Variants in CDH24 observed in about 807,000 individuals in gnomAD.
CDH24 encodes the protein cadherin 24, also known as cadherin-24.
CDH24 carries 61 observed loss-of-function variants against 71.2 expected under a neutral mutation model. The observed-to-expected ratio is 0.86, with a 90% CI of 0.70 to 1.06. CDH24 has a LOEUF of 1.06. CDH24 is among the 50% of genes least tolerant of loss of function. The pLI, the probability that CDH24 is intolerant of heterozygous loss-of-function variation, is 0.00. For synonymous variants in CDH24, 440 were observed against 470.2 expected (o/e 0.94, Z 0.83); for missense variants, 961 against 1,083.7 (o/e 0.89, Z 1.59).
In CDH24 at chr14:23,051,924, A is replaced by G. The variant is rs1490002907; in HGVS notation, c.1363+549T>C. ...GCCTGACTGATGGGGGAGACCGCAT[A>G]TGGAGCTGGCACTCCTCCCCTTCCT... On this transcript the variant is annotated intron_variant, in intron 8 of 12. Coordinates refer to ENST00000487137, the MANE Select transcript of CDH24 (RefSeq NM_144985.4). The surrounding 1 kb of genome is among the most constrained non-coding windows in gnomAD (Gnocchi z 4.4). 7.1e-6 allele frequency: 8 copies of G among 1,130,080 alleles called. No homozygotes were observed. The highest frequency in any genetic ancestry group is 2.0e-4 in the Middle Eastern group (1 of 5,008). The allele number at this position is 1,130,080 out of a possible 1,614,324, so 70.0% of individuals were successfully genotyped here.
Position 23,049,463 on chromosome 14 carries a change from A to G in CDH24, c.1597+164T>C, listed in dbSNP as rs1386111917. Among the ~76,000 whole-genome samples the G allele has an allele frequency of 2.6e-5, 4 of 152,156 alleles. No homozygotes were observed. In the East Asian group the frequency reaches 7.8e-4, roughly 29 times the overall value. ...CCCATAGAGCCAGCTTCCCATGGGG[A>G]AGGTTTACAAAGAGCCAACGAATGA... On this transcript the variant is annotated intron_variant, in intron 10 of 12. Coordinates refer to ENST00000487137, the MANE Select transcript of CDH24 (RefSeq NM_144985.4).
rs746363463 is a variant in CDH24, at chr14:23,055,080, C to G, written c.475G>C (p.Val159Leu). The G allele has an allele frequency of 6.2e-7, 1 of 1,611,840 alleles. No homozygotes were observed. The highest frequency in any genetic ancestry group is 8.5e-7 in the Non-Finnish European group (1 of 1,178,306). Reference sequence around the variant, plus strand: ...TCACCGACATTGGACATCTCGGGCACGGTGGCATGGTAGGGCCCAAGGGGA... The same window carrying G: ...TCACCGACATTGGACATCTCGGGCAGGGTGGCATGGTAGGGCCCAAGGGGA... ...IFPLGPYHAT[V>L]PEMSNVGTSV... Residue 159 changes from valine to leucine, a missense_variant, in exon 3 of 13, where the codon GTG becomes CTG. Val to Leu is a conservative substitution (Grantham distance 32). Coordinates refer to ENST00000487137, the MANE Select transcript of CDH24 (RefSeq NM_144985.4). This position sits in a 1 kb window ranked among gnomAD's most constrained non-coding sequence, Gnocchi z 4.1.
chr14:23,049,793 G>A (rs368568578), intron 9 of CDH24, 29 bp downstream of exon 9: 33 of 1,613,168 alleles, frequency 2.0e-5, no homozygotes, highest in African/African-American at 5.3e-5. Flanking sequence ...AGGCCTGGAC[G>A]TCCCAACCCC....
chr14:23,055,316 T>G lies in CDH24; in HGVS notation c.239A>C (p.Lys80Thr), dbSNP rs766757758. Residue 80 changes from lysine (K) to threonine (T), a missense_variant, in exon 3 of 13, where the codon AAG becomes ACG. Around this residue, in one of 2 missense-constraint regions of CDH24, gnomAD observed 671 missense variants for 810.9 expected, o/e 0.83. Transcript: ENST00000487137. The surrounding 1 kb of genome is among the most constrained non-coding windows in gnomAD (Gnocchi z 4.1). ...SDVDRGEGRT[K>T]YLLTGEGAGT... ...TGCCCCCTCCCCGGTCAACAGGTAC[T>G]TGGTGCGGCCCTCTCCCCGGTCAAC... 5 of 1,610,832 alleles carry G rather than the reference T, an allele frequency of 3.1e-6. No individual in the cohort carries two copies. Among genetic ancestry groups the G allele is most frequent in the Non-Finnish European group, 2.5e-6 (3 of 1,177,258 alleles).
Position 23,054,519 on chromosome 14 carries a change from G to T in CDH24, c.771C>A (p.Pro257=), listed in dbSNP as rs755869545. 6.2e-7 allele frequency: 1 copy of T among 1,612,642 alleles called. No individual in the cohort carries two copies. The highest frequency in any genetic ancestry group is 8.5e-7 in the Non-Finnish European group (1 of 1,179,232). ...ATGGCCCCTTACTCTGTGGGAACTT[G>T]GGGGGGTTGTCGTTGACATCGCTGA... is the stretch of plus-strand genomic sequence containing the variant. ...VTLSDVNDNP[P]KFPQSLYQFS... The change falls in exon 5 of 13, where the codon CCC becomes CCA. Residue 257 remains proline, a synonymous_variant. Coordinates refer to ENST00000487137, the MANE Select transcript of CDH24 (RefSeq NM_144985.4). This position sits in a 1 kb window ranked among gnomAD's most constrained non-coding sequence, Gnocchi z 5.2.
At position 23,055,575 on chromosome 14, in the gene CDH24, G is replaced by C; in HGVS notation, c.159C>G (p.Val53=). ...RRSWVWNQFF[V]IEEYAGPEPV... The stretch of plus-strand genomic sequence containing the variant: ...GCTCTGGACCAGCATATTCCTCAAT[G>C]ACAAAGAACTGGTTCCAGACCCAGC... The change falls in exon 2 of 13, where the codon GTC becomes GTG. Residue 53 remains valine, a synonymous_variant. Transcript: ENST00000487137. The surrounding 1 kb of genome is among the most constrained non-coding windows in gnomAD (Gnocchi z 4.1). 1 of 1,614,090 alleles carries C rather than the reference G, an allele frequency of 6.2e-7. No homozygotes were observed. The highest frequency in any genetic ancestry group is 1.7e-5 in the Admixed American group (1 of 60,034).
chr14:23,048,932 C>T (rs2047063212), intron 11 of CDH24, 95 bp downstream of exon 11: 1 of 1,454,098 alleles, frequency 6.9e-7, no homozygotes, highest in Non-Finnish European at 9.4e-7. Flanking sequence ...CGTTCAAGCC[C>T]TAAGGTGGAT....
chr14:23,051,157 T>C lies in CDH24; in HGVS notation c.1364-1214A>G, dbSNP rs1459311713. On this transcript the variant is annotated intron_variant, in intron 8 of 12. Transcript: ENST00000487137. The surrounding 1 kb of genome is among the most constrained non-coding windows in gnomAD (Gnocchi z 4.4). Reference sequence around the variant, plus strand: ...ATAACACGTGCACTGCCAGGTAGTATCTGTGCATATCTACTATGCACACAG... The same window carrying C: ...ATAACACGTGCACTGCCAGGTAGTACCTGTGCATATCTACTATGCACACAG... Among the ~76,000 whole-genome samples the C allele has an allele frequency of 6.6e-6, 1 of 152,172 alleles. No individual in the cohort carries two copies. Among genetic ancestry groups the C allele is most frequent in the African/African-American group, 2.4e-5 (1 of 41,424 alleles).
rs113417691 is a variant in CDH24 at position 23,050,015 on chromosome 14, T to C, written c.1364-72A>G. The C allele has an allele frequency of 3.8e-5, 60 of 1,565,424 alleles. No individual in the cohort carries two copies. The African/African-American group carries it at 5.4e-4, about 14-fold the overall frequency. ...GTTTACACGTAACATATGTGGTGCA[T>C]GGGCATGGATGCCACATGAAGCATA... On this transcript the variant is annotated intron_variant, in intron 8 of 12. Transcript: ENST00000487137.
intron 11 of CDH24, among the ~76,000 whole-genome samples, chr14:23,048,716 A>C (rs1020527363): frequency 1.3e-5 from 2 of 152,234 alleles, no homozygotes; most frequent in Non-Finnish European, 2.9e-5. Flanking sequence ...GAGAATAGGG[A>C]AAATATATTT....
At position 23,048,163 on chromosome 14, in the gene CDH24, C is replaced by CG; in HGVS notation, c.2162dup (p.Tyr722ValfsTer135). ...AGCCGTACACCTGCACCGAGTCGTA[C>CG]GGGGGTACGCCGGGGTCCTCGTCCG... On this transcript the variant is annotated frameshift_variant, in exon 12 of 13. Transcript: ENST00000487137. LOFTEE classifies it high-confidence loss of function. 1 of 1,359,202 alleles carries CG rather than the reference C, an allele frequency of 7.4e-7. No individual in the cohort carries two copies. The highest frequency in any genetic ancestry group is 9.5e-7 in the Non-Finnish European group (1 of 1,053,176). 84.2% of individuals were successfully genotyped at this position (1,359,202 alleles called of 1,614,324 possible).
intron 8 of CDH24, among the ~76,000 whole-genome samples, chr14:23,050,407 C>T (rs1056864763): frequency 6.6e-6 from 1 of 152,116 alleles, no homozygotes; most frequent in Non-Finnish European, 1.5e-5. Context: ...GCCACATCCC[C>T]CGACAACACC....
intron 8 of CDH24, chr14:23,050,269 G>GC: frequency 4.2e-6 from 1 of 239,524 alleles, no homozygotes; most frequent in Non-Finnish European, 8.2e-6. Context: ...AGGTGCATAC[G>GC]AGTTGCATGC....
rs1290129992 is a variant in CDH24, at chr14:23,048,918, G to T, written c.1846+109C>A. 3.1e-6 allele frequency: 4 copies of T among 1,301,574 alleles called. No homozygotes were observed. The African/African-American group carries it at 4.4e-5, about 14-fold the overall frequency. 80.6% of individuals were successfully genotyped at this position (1,301,574 alleles called of 1,614,324 possible). On this transcript the variant is annotated intron_variant, in intron 11 of 12. Coordinates refer to ENST00000487137, the MANE Select transcript of CDH24 (RefSeq NM_144985.4). ...AGGTGGTGGGAAAATCCAGGTATGA[G>T]GGTCGTTCAAGCCCTAAGGTGGATT...
chr14:23,053,876 G>A, intron 6 of CDH24, 127 bp from the exon 7 acceptor site: 1 of 998,760 alleles, frequency 1.0e-6, no homozygotes, highest in Non-Finnish European at 1.4e-6. Flanking sequence ...AGGAGAGGTG[G>A]CACTGGAGGG....
Position 23,055,800 on chromosome 14 carries a change from C to T in CDH24, c.-67G>A. The stretch of plus-strand genomic sequence containing the variant: ...CTGAGGCTGGGCCAGGCCACGTGGC[C>T]CATGAGCTGGCTGGGGTGGAGGGGC... On this transcript the variant is annotated 5_prime_UTR_variant, in exon 2 of 13. Transcript: ENST00000487137. This position sits in a 1 kb window ranked among gnomAD's most constrained non-coding sequence, Gnocchi z 4.1. 2 of 1,385,758 alleles carry T rather than the reference C, an allele frequency of 1.4e-6. No individual in the cohort carries two copies. The highest frequency in any genetic ancestry group is 1.9e-6 in the Non-Finnish European group (2 of 1,039,892). The allele number at this position is 1,385,758 out of a possible 1,614,324, so 85.8% of individuals were successfully genotyped here.
Position 23,049,345 on chromosome 14 carries a change from A to C in CDH24, c.1598-70T>G, listed in dbSNP as rs2047066892. The stretch of plus-strand genomic sequence containing the variant: ...CAGGTAGGGTTGGTCCAGCCCATAG[A>C]GCCAGCTTCCCATAGAGCCAGCCCC... On this transcript the variant is annotated intron_variant, in intron 10 of 12. Transcript: ENST00000487137. The C allele has an allele frequency of 4.0e-5, 57 of 1,436,974 alleles. No individual in the cohort carries two copies. In the South Asian group the frequency reaches 7.6e-4, roughly 19 times the overall value. 89.0% of individuals were successfully genotyped at this position (1,436,974 alleles called of 1,614,324 possible).
At chr14:23,052,033 A>G in intron 8 of CDH24, 1 of 1,586,118 alleles carries the variant, frequency 6.3e-7, no homozygotes, top group East Asian at 2.3e-5. Flanking sequence ...GGTGCACTCC[A>G]CTCAGCAACC....
In CDH24 at chr14:23,047,950, C is replaced by G. The variant is rs957603191; in HGVS notation, c.*30G>C. On this transcript the variant is annotated 3_prime_UTR_variant, in exon 12 of 13. Coordinates refer to ENST00000487137, the MANE Select transcript of CDH24 (RefSeq NM_144985.4). ...AGAGGGCCTGTGCCCGCTGCCCCCCCCCCGCGGTGGGCCGGGCCAGCCCGG... is the reference window on the plus strand; with the variant it reads ...AGAGGGCCTGTGCCCGCTGCCCCCCGCCCGCGGTGGGCCGGGCCAGCCCGG... 22 of 1,290,828 alleles carry G rather than the reference C, an allele frequency of 1.7e-5. No individual in the cohort carries two copies. The highest frequency in any genetic ancestry group is 4.5e-5 in the South Asian group (2 of 44,270). The allele number at this position is 1,290,828 out of a possible 1,614,324, so 80.0% of individuals were successfully genotyped here.
Sources: allele counts gnomAD v4.1 joint callset (sites outside exome capture counted in the v4.1 genomes callset), GRCh38; gene constraint gnomAD v4.1.1; regional missense constraint gnomAD v4.1.1; non-coding constraint Gnocchi (gnomAD v3.1); transcripts MANE v1.5; gene names NCBI Gene and HGNC (gene_info 2026-07-23, HGNC 2026-07-21).